The following GRID2 variants were observed in gnomAD, a reference collection of about 807,000 sequenced individuals.
The protein encoded by GRID2 is glutamate ionotropic receptor delta type subunit 2, also known as glutamate receptor ionotropic, delta-2.
A neutral mutation model predicts 114.8 loss-of-function variants in GRID2; 33 were observed. The ratio of observed to expected loss-of-function variants is 0.29; its 90% confidence interval spans 0.22 to 0.38. The LOEUF (loss-of-function observed/expected upper bound fraction) is 0.38. GRID2 is among the 10% of genes least tolerant of loss of function. The pLI, the probability that GRID2 is intolerant of heterozygous loss-of-function variation, is 1.00. For synonymous variants in GRID2, 505 were observed against 449.9 expected (o/e 1.12, Z -1.55); for missense variants, 1,184 against 1,257.7 (o/e 0.94, Z 0.89).
chr4:93,256,322 C>T (rs1198359395), intron 8 of GRID2, among the ~76,000 whole-genome samples: 2 of 151,726 alleles, frequency 1.3e-5, no homozygotes, highest in African/African-American at 2.4e-5. Flanking sequence ...CATTGGTGCA[C>T]TAGAGAGTGA....
intron 2 of GRID2, among the ~76,000 whole-genome samples, chr4:92,914,735 C>G (rs886617091): frequency 6.6e-6 from 1 of 152,080 alleles, no homozygotes; most frequent in Non-Finnish European, 1.5e-5. Flanking sequence ...CATGTTCTTG[C>G]AAAAGACACG....
chr4:92,727,533 G>A (rs927359816), intron 2 of GRID2, among the ~76,000 whole-genome samples: 1 of 151,896 alleles, frequency 6.6e-6, no homozygotes, highest in Non-Finnish European at 1.5e-5. Context: ...TTATCCTCTA[G>A]TAAGTATGTG....
intron 1 of GRID2, among the ~76,000 whole-genome samples, chr4:92,491,935 T>C (rs976875579): frequency 6.6e-6 from 1 of 152,166 alleles, no homozygotes; most frequent in Non-Finnish European, 1.5e-5. Flanking sequence ...AACTGTGCAT[T>C]GTACATGTTC....
intron 2 of GRID2, among the ~76,000 whole-genome samples, chr4:92,746,693 CT>C (rs112276381): frequency 1.4e-3 from 210 of 152,170 alleles, no homozygotes; most frequent in African/African-American, 4.9e-3. Flanking sequence ...TCTGAAGAGT[CT>C]TTTTTTCTTA....
At chr4:92,786,861 C>T (rs1739348803) in intron 2 of GRID2, among the ~76,000 whole-genome samples, 1 of 151,690 alleles carries the variant, frequency 6.6e-6, no homozygotes, top group Non-Finnish European at 1.5e-5. Flanking sequence ...ACCGAAAGCT[C>T]AATTAAATAG....
At chr4:92,751,318 T>C (rs1270684959) in intron 2 of GRID2, among the ~76,000 whole-genome samples, 2 of 152,132 alleles carry the variant, frequency 1.3e-5, no homozygotes, top group Non-Finnish European at 2.9e-5. Context: ...AGAAAACTAG[T>C]AAATAAATAA....
In GRID2 at chr4:93,299,431, G is replaced by A. The variant is rs966274356; in HGVS notation, c.1245+60941G>A. ...AGCGCATTTTGCTGTTTGAAACGGG[G>A]AAAAAAAAGTCTTAGTTGAGTGATC... On this transcript the variant is annotated intron_variant, in intron 8 of 15. Transcript: ENST00000282020. Among the ~76,000 whole-genome samples, 10 of 147,606 alleles carry A rather than the reference G, an allele frequency of 6.8e-5. No homozygotes were observed. The East Asian group carries it at 1.2e-3, about 18-fold the overall frequency.
chr4:93,773,650 A>G lies in GRID2; in HGVS notation c.*1152A>G, dbSNP rs1313026140. 4 of 152,242 alleles carry G rather than the reference A, an allele frequency of 2.6e-5. No individual in the cohort carries two copies. The East Asian group carries it at 7.7e-4, about 29-fold the overall frequency. 9.4% of individuals were successfully genotyped at this position (152,242 alleles called of 1,614,324 possible). On this transcript the variant is annotated 3_prime_UTR_variant, in exon 16 of 16. Transcript: ENST00000282020. ...AAACATAGATCATTGAAGGTTAAAA[A>G]TCCTCTTCCAAAGCAGCAAGTCAAT...
intron 1 of GRID2, among the ~76,000 whole-genome samples, chr4:93,795,757 T>C (rs941114782): frequency 2.0e-5 from 3 of 152,228 alleles, no homozygotes; most frequent in African/African-American, 7.2e-5. Context: ...TGTATAATGC[T>C]ACAGGTCTTA....
chr4:92,483,044 A>T (rs1722694184), intron 1 of GRID2, among the ~76,000 whole-genome samples: 1 of 152,188 alleles, frequency 6.6e-6, no homozygotes, highest in East Asian at 1.9e-4. Context: ...ATAGTTGGTC[A>T]AAAGTACAAG....
intron 13 of GRID2, among the ~76,000 whole-genome samples, chr4:93,591,183 G>T (rs1171243242): frequency 1.3e-5 from 2 of 149,328 alleles, no homozygotes; most frequent in Non-Finnish European, 3.0e-5. Flanking sequence ...TATGATATTG[G>T]CTGTGGGTTT....
At chr4:93,526,166 C>G (rs77157484) in intron 13 of GRID2, among the ~76,000 whole-genome samples, 1,680 of 152,232 alleles carry the variant, frequency 0.011, 28 homozygotes, top group African/African-American at 0.038. Context: ...CGTAGTTTCT[C>G]CCGTGCTGTT....
rs1173858344 is a variant in GRID2 at position 93,774,542 on chromosome 4, A to G, written c.*2044A>G. On this transcript the variant is annotated 3_prime_UTR_variant, in exon 16 of 16. Coordinates refer to ENST00000282020, the MANE Select transcript of GRID2 (RefSeq NM_001510.4). Reference sequence around the variant, plus strand: ...ATTTGTCTAAATAATTTGTCTAATAAAAATGTTTTCTAAACTTGCTCTCAT... The same window carrying G: ...ATTTGTCTAAATAATTTGTCTAATAGAAATGTTTTCTAAACTTGCTCTCAT... 1 of 152,168 alleles carries G rather than the reference A, an allele frequency of 6.6e-6. No individual in the cohort carries two copies. Among genetic ancestry groups the G allele is most frequent in the Non-Finnish European group, 1.5e-5 (1 of 68,000 alleles). 9.4% of individuals were successfully genotyped at this position (152,168 alleles called of 1,614,324 possible).
chr4:93,039,008 C>T (rs1725222818), intron 2 of GRID2, among the ~76,000 whole-genome samples: 1 of 152,108 alleles, frequency 6.6e-6, no homozygotes, highest in South Asian at 2.1e-4. Flanking sequence ...ATGATAAAGA[C>T]ACATGCACAC....
intron 4 of GRID2, among the ~76,000 whole-genome samples, chr4:93,167,053 A>T (rs1192129353): frequency 6.6e-6 from 1 of 152,168 alleles, no homozygotes; most frequent in East Asian, 1.9e-4. Flanking sequence ...GAGAGTAAAA[A>T]TCTTGTATGT....
At position 93,712,469 on chromosome 4, in the gene GRID2, T is replaced by C. The variant is rs149953610; in HGVS notation, c.2361-56741T>C. ...CATTGAGTTATATCCCACTTTTATA[T>C]GTGCTATAATGTTTTATAATTCTCC... On this transcript the variant is annotated intron_variant, in intron 14 of 15. Coordinates refer to ENST00000282020, the MANE Select transcript of GRID2 (RefSeq NM_001510.4). Among the ~76,000 whole-genome samples the C allele has an allele frequency of 7.7e-4, 118 of 152,300 alleles. 1 individual carries two copies. The highest frequency in any genetic ancestry group is 2.6e-3 in the African/African-American group (109 of 41,574).
intron 8 of GRID2, among the ~76,000 whole-genome samples, chr4:93,244,477 A>T (rs1747910776): frequency 2.1e-5 from 3 of 142,754 alleles, no homozygotes. Context: ...AAAGGATATT[A>T]TATTATATAA....
At chr4:93,051,344 A>G (rs1266694687) in intron 2 of GRID2, among the ~76,000 whole-genome samples, 1 of 152,050 alleles carries the variant, frequency 6.6e-6, no homozygotes, top group African/African-American at 2.4e-5. Context: ...TGGACAGATC[A>G]TATACCAAAT....
At chr4:93,566,289 A>G (rs1414912675) in intron 13 of GRID2, among the ~76,000 whole-genome samples, 1 of 152,196 alleles carries the variant, frequency 6.6e-6, no homozygotes. Flanking sequence ...TACAAACTCT[A>G]TAATTTTATT....
Sources: gnomAD v4.1 joint callset for allele counts (sites outside exome capture counted in the v4.1 genomes callset) on GRCh38, gnomAD v4.1.1 for gene constraint, MANE v1.5 for transcripts, NCBI Gene and HGNC (gene_info 2026-07-23, HGNC 2026-07-21) for gene names.